Variants in TULP1 observed in about 807,000 individuals in gnomAD.
TULP1 encodes the protein TUB like protein 1, also known as tubby-related protein 1.
In TULP1, 50 loss-of-function variants were observed where a neutral mutation model predicts 67.1. The ratio of observed to expected loss-of-function variants is 0.75; its 90% CI spans 0.59 to 0.94. The LOEUF is 0.94. Ranked by LOEUF, TULP1 falls within the 40% of genes least tolerant of loss-of-function variation. The pLI, the probability that TULP1 is intolerant of heterozygous loss-of-function variation, is 0.00. For missense variants in TULP1, 746 were observed against 734.1 expected, an observed-to-expected ratio of 1.02 and a Z score of -0.19; for synonymous variants, 297 against 294.0, an observed-to-expected ratio of 1.01 and a Z score of -0.11.
intron 14 of TULP1, 71 bp downstream of exon 14, chr6:35,499,908 AGG>A: frequency 6.4e-7 from 1 of 1,555,774 alleles, no homozygotes; most frequent in Non-Finnish European, 8.8e-7. Context: ...TGAGGGGGTG[AGG>A]GGAGCTTGAA....
chr6:35,507,203 C>CAAAAA (rs869194937), intron 8 of TULP1, among the ~76,000 whole-genome samples: 2 of 72,000 alleles, frequency 2.8e-5, no homozygotes, highest in East Asian at 4.2e-4. Flanking sequence ...AACACTCAAG[C>CAAAAA]AAAAAAAAAA....
chr6:35,508,498 C>T (rs1197943057), intron 8 of TULP1, among the ~76,000 whole-genome samples: 2 of 152,182 alleles, frequency 1.3e-5, no homozygotes, highest in Non-Finnish European at 2.9e-5. Flanking sequence ...AAATCCAGGC[C>T]CTGTCCTCGT....
intron 4 of TULP1, 112 bp from the exon 5 acceptor site, chr6:35,511,122 T>C (rs1046911494): frequency 1.3e-6 from 2 of 1,552,488 alleles, no homozygotes; most frequent in Middle Eastern, 2.4e-4. Context: ...AAGGGGAGCC[T>C]GCCCTTCTGA....
chr6:35,500,469 T>C (rs1403389003), intron 13 of TULP1, among the ~76,000 whole-genome samples: 1 of 152,178 alleles, frequency 6.6e-6, no homozygotes, highest in East Asian at 1.9e-4. Flanking sequence ...CAGTACCTAA[T>C]GACAGGATGA....
At position 35,503,621 on chromosome 6, in the gene TULP1, T is replaced by G. The variant is rs771407316; in HGVS notation, c.1261A>C (p.Met421Leu). The change falls in exon 13 of 15, where the codon ATG becomes CTG. Residue 421 changes from methionine to leucine, a missense_variant. Coordinates refer to ENST00000229771, the MANE Select transcript of TULP1 (RefSeq NM_003322.6). This position sits in a 1 kb window ranked among gnomAD's most constrained non-coding sequence, Gnocchi z 4.0. ...CTCATGCCAGGAATGATGACGGTCA[T>G]GCGCCGGGGGCCACGGAAGCCCAGC... ...NVLGFRGPRR[M>L]TVIIPGMSAE... 104 of 1,599,306 alleles carry G rather than the reference T, an allele frequency of 6.5e-5. No individual in the cohort carries two copies. Among genetic ancestry groups the G allele is most frequent in the Non-Finnish European group, 7.8e-5 (92 of 1,173,222 alleles).
At position 35,497,882 on chromosome 6, in the gene TULP1, G is replaced by A. The variant is rs554643340; in HGVS notation, c.*445C>T. ...AGGAACCACCGCTCCGCTTGGCCAAGGACGCGGCTTTATTGGGGATGTGGG... is the reference window on the plus strand; with the variant it reads ...AGGAACCACCGCTCCGCTTGGCCAAAGACGCGGCTTTATTGGGGATGTGGG... On this transcript the variant is annotated 3_prime_UTR_variant, in exon 15 of 15. Transcript: ENST00000229771. The A allele has an allele frequency of 5.8e-5, 12 of 205,382 alleles. No individual in the cohort carries two copies. The South Asian group carries it at 9.1e-4, about 16-fold the overall frequency. The allele number at this position is 205,382 out of a possible 1,614,324, so 12.7% of individuals were successfully genotyped here.
At chr6:35,501,233 A>G (rs573135606) in intron 13 of TULP1, among the ~76,000 whole-genome samples, 21 of 152,252 alleles carry the variant, frequency 1.4e-4, no homozygotes, top group African/African-American at 4.8e-4. Flanking sequence ...CATGCCAAGC[A>G]CAGTGGCTCA....
chr6:35,511,164 A>G (rs1761193236), intron 4 of TULP1, 154 bp from the exon 5 acceptor site: 2 of 1,491,742 alleles, frequency 1.3e-6, no homozygotes, highest in Non-Finnish European at 8.9e-7. Flanking sequence ...ACCTTCCCAG[A>G]AGAATGAGGG....
At chr6:35,506,347 T>C in intron 8 of TULP1, 68 bp from the exon 9 acceptor site, 2 of 1,544,936 alleles carry the variant, frequency 1.3e-6, no homozygotes, top group South Asian at 2.4e-5. Context: ...GGGAAGCCAC[T>C]GCCCCTCATG....
At chr6:35,511,523 C>T in intron 4 of TULP1, 125 bp downstream of exon 4, 1 of 1,445,058 alleles carries the variant, frequency 6.9e-7, no homozygotes, top group Admixed American at 2.0e-5. Flanking sequence ...AAAGATAAGG[C>T]CAGAAAAGTG....
chr6:35,506,116 G>C lies in TULP1; in HGVS notation c.886C>G (p.Leu296Val). 1 of 1,613,674 alleles carries C rather than the reference G, an allele frequency of 6.2e-7. No homozygotes were observed. The highest frequency in any genetic ancestry group is 1.1e-5 in the South Asian group (1 of 91,070). ...GTGCGGCCCTGGGGGGCAGGCCGGA[G>C]CACAAACTCCCGGGGTTCGTCCACC... ...VEVDEPREFV[L>V]RPAPQGRTVR... Residue 296 changes from leucine (L) to valine (V), a missense_variant, in exon 10 of 15, where the codon CTC becomes GTC. Coordinates refer to ENST00000229771, the MANE Select transcript of TULP1 (RefSeq NM_003322.6).
intron 5 of TULP1, among the ~76,000 whole-genome samples, chr6:35,510,154 A>G (rs1761167690): frequency 6.6e-6 from 1 of 151,950 alleles, no homozygotes; most frequent in Admixed American, 6.6e-5. Context: ...CCAGGGTTCA[A>G]GTGATTCTTG....
intron 4 of TULP1, 94 bp downstream of exon 4, chr6:35,511,554 G>A: frequency 6.5e-7 from 1 of 1,539,146 alleles, no homozygotes; most frequent in Non-Finnish European, 8.8e-7. Context: ...GACTACAGTT[G>A]TTTTCTGCCT....
At chr6:35,505,712 C>A in intron 11 of TULP1, 29 bp downstream of exon 11, 3 of 1,612,364 alleles carry the variant, frequency 1.9e-6, no homozygotes, top group Non-Finnish European at 1.7e-6. Flanking sequence ...TGACCCAAGT[C>A]CCCCCAGCCC....
chr6:35,510,691 A>G (rs2273000), intron 5 of TULP1, 170 bp downstream of exon 5: 1,001,440 of 1,479,420 alleles, frequency 0.68, 339,927 homozygotes, highest in East Asian at 0.7. Context: ...ATATTGGTCT[A>G]TGTCCTTAAG....
In TULP1 at chr6:35,498,507, C is replaced by T. The variant is rs767327390; in HGVS notation, c.1496-47G>A. On this transcript the variant is annotated intron_variant, in intron 14 of 14. Coordinates refer to ENST00000229771, the MANE Select transcript of TULP1 (RefSeq NM_003322.6). This position sits in a 1 kb window ranked among gnomAD's most constrained non-coding sequence, Gnocchi z 6.7. ...GGGGCGGCCCGAGACCTCCTTGGAC[C>T]CCCATCCTGGCAGACAGTGCCCTCA... The T allele has an allele frequency of 6.2e-6, 10 of 1,611,366 alleles. No homozygotes were observed. Among genetic ancestry groups the T allele is most frequent in the East Asian group, 2.2e-5 (1 of 44,876 alleles).
chr6:35,498,529 C>G lies in TULP1; in HGVS notation c.1496-69G>C, dbSNP rs765439438. On this transcript the variant is annotated intron_variant, in intron 14 of 14. Transcript: ENST00000229771. This position sits in a 1 kb window ranked among gnomAD's most constrained non-coding sequence, Gnocchi z 6.7. ...GACCCCCATCCTGGCAGACAGTGCC[C>G]TCAACCTTGGGGGCAGTCTGTCCCT... 41 of 1,606,704 alleles carry G rather than the reference C, an allele frequency of 2.6e-5. No individual in the cohort carries two copies. Among genetic ancestry groups the G allele is most frequent in the Non-Finnish European group, 3.3e-5 (39 of 1,177,518 alleles).
intron 8 of TULP1, among the ~76,000 whole-genome samples, chr6:35,507,569 T>C (rs781437396): frequency 5.1e-4 from 78 of 152,168 alleles, no homozygotes; most frequent in Non-Finnish European, 9.4e-4. Flanking sequence ...TAAGAACAAT[T>C]TGGTGACATA....
chr6:35,512,502 CT>C, intron 2 of TULP1, 136 bp downstream of exon 2: 1 of 1,205,442 alleles, frequency 8.3e-7, no homozygotes, highest in South Asian at 1.3e-5. Flanking sequence ...ACAGCCCTTT[CT>C]CCCCCCAGAT....
Sources: allele counts gnomAD v4.1 joint callset (sites outside exome capture counted in the v4.1 genomes callset), GRCh38; gene constraint gnomAD v4.1.1; non-coding constraint Gnocchi (gnomAD v3.1); transcripts MANE v1.5; gene names NCBI Gene and HGNC (gene_info 2026-07-23, HGNC 2026-07-21).